BCL2L1: variants seen among roughly 807,000 people sequenced by gnomAD.
BCL2L1 encodes the protein BCL2 like 1.
A neutral mutation model predicts 18.7 loss-of-function variants in BCL2L1; 1 was observed. The ratio of observed to expected loss-of-function variants is 0.05; its 90% CI spans 0.02 to 0.25. The LOEUF is 0.25. Among genes scored for constraint, BCL2L1 ranks in the 10% least tolerant of loss-of-function variants. The probability of loss-of-function intolerance (pLI) is 1.00; values close to 1 mark genes in which losing one functional copy is unlikely to be tolerated. For synonymous variants in BCL2L1, 103 were observed against 122.7 expected, an observed-to-expected ratio of 0.84 and a Z score of 1.06; for missense variants, 207 against 304.9, an observed-to-expected ratio of 0.68 and a Z score of 2.39.
intron 2 of BCL2L1, among the ~76,000 whole-genome samples, chr20:31,679,213 G>A (rs982913471): frequency 2.0e-5 from 3 of 152,164 alleles, no homozygotes; most frequent in African/African-American, 7.2e-5. Context: ...TGATGTCGAG[G>A]GAGGGGGCAC....
rs1187793841 is a variant in BCL2L1 at position 31,664,878 on chromosome 20, C to G, written c.*1071G>C. ...GGCCAGGCCACTCTGGCCTTGGCAG[C>G]CTGGCTGCCCAGGCTGGACAGGCAT... On this transcript the variant is annotated 3_prime_UTR_variant, in exon 3 of 3. Coordinates refer to ENST00000307677, the MANE Select transcript of BCL2L1 (RefSeq NM_138578.3). The G allele has an allele frequency of 4.6e-6, 1 of 217,496 alleles. No homozygotes were observed. The highest frequency in any genetic ancestry group is 2.3e-5 in the African/African-American group (1 of 44,280). The allele number at this position is 217,496 out of a possible 1,614,324, so 13.5% of individuals were successfully genotyped here. A position where few individuals can be genotyped will look rare whatever the true frequency, so the allele number is the denominator to read the frequency against.
chr20:31,689,689 TC>T (rs11167281), intron 2 of BCL2L1, among the ~76,000 whole-genome samples: 54,356 of 152,000 alleles, frequency 0.36, 11,434 homozygotes, highest in African/African-American at 0.57. Flanking sequence ...CTAAATTGGC[TC>T]TGAAGAATAC....
At chr20:31,697,050 C>CAAA (rs1161266730) in intron 2 of BCL2L1, among the ~76,000 whole-genome samples, 11 of 76,824 alleles carry the variant, frequency 1.4e-4, no homozygotes, top group African/African-American at 3.7e-4. Flanking sequence ...GACTCTATCT[C>CAAA]AAAAAAAAAA....
chr20:31,713,507 G>A (rs1428176170), intron 2 of BCL2L1: 5 of 985,224 alleles, frequency 5.1e-6, no homozygotes, highest in East Asian at 1.1e-4. Context: ...CTGAAGAGCT[G>A]GAGAAAAACC....
intron 2 of BCL2L1, among the ~76,000 whole-genome samples, chr20:31,708,620 C>G (rs1278367931): frequency 1.3e-5 from 2 of 152,172 alleles, no homozygotes; most frequent in Non-Finnish European, 2.9e-5. Context: ...ACCCCTCCCC[C>G]CAGCTGAGCC....
intron 2 of BCL2L1, among the ~76,000 whole-genome samples, chr20:31,715,917 C>T (rs1392513093): frequency 1.3e-5 from 2 of 152,018 alleles, no homozygotes; most frequent in Non-Finnish European, 2.9e-5. Context: ...CTGCAACCTC[C>T]ACCTCCCAGG....
intron 2 of BCL2L1, among the ~76,000 whole-genome samples, chr20:31,701,182 T>G (rs1009784183): frequency 5.3e-5 from 8 of 152,000 alleles, no homozygotes; most frequent in Non-Finnish European, 1.0e-4. Context: ...GCCTCCTGAG[T>G]AGCTGGGATT....
In BCL2L1 at chr20:31,722,073, C is replaced by T. The variant is rs2061644325; in HGVS notation, c.146G>A (p.Ser49Asn). ...CCAGGATGGGTTGCCATTGATGGCA[C>T]TGGGGGTCTCCATCTCCGATTCAGT... ...EGTESEMETPSAINGNPSWHL... is the reference protein window; with the variant it reads ...EGTESEMETPNAINGNPSWHL... Residue 49 changes from serine (S) to asparagine (N), a missense_variant, in exon 2 of 3, where the codon AGT becomes AAT. Physicochemically the swap from Ser to Asn is conservative, Grantham distance 46. Transcript: ENST00000307677. 6.3e-7 allele frequency: 1 copy of T among 1,597,582 alleles called. No individual in the cohort carries two copies. The highest frequency in any genetic ancestry group is 1.3e-5 in the African/African-American group (1 of 74,878).
rs1485169545 is a variant in BCL2L1 at position 31,665,976 on chromosome 20, C to G, written c.675G>C (p.Leu225=). 6.2e-7 allele frequency: 1 copy of G among 1,613,760 alleles called. No homozygotes were observed. Among genetic ancestry groups the G allele is most frequent in the East Asian group, 2.2e-5 (1 of 44,884 alleles). ...ATTTCCGACTGAAGAGTGAGCCCAG[C>G]AGAACCACGCCGGCCACAGTCATGC... ...LTGMTVAGVV[L]LGSLFSRK Residue 225 remains leucine, a synonymous_variant, in exon 3 of 3, where the codon CTG becomes CTC. Coordinates refer to ENST00000307677, the MANE Select transcript of BCL2L1 (RefSeq NM_138578.3).
intron 2 of BCL2L1, among the ~76,000 whole-genome samples, chr20:31,715,043 G>C (rs2061507294): frequency 1.3e-5 from 2 of 152,174 alleles, no homozygotes; most frequent in African/African-American, 4.8e-5. Context: ...AGGAGGCTGA[G>C]GCGGGCGGAT....
intron 2 of BCL2L1, among the ~76,000 whole-genome samples, chr20:31,687,399 C>T (rs1353268696): frequency 6.6e-6 from 1 of 151,856 alleles, no homozygotes; most frequent in Non-Finnish European, 1.5e-5. Flanking sequence ...CGCCTGTAAT[C>T]CCAGCACTTT....
chr20:31,705,402 C>T (rs1264936796), intron 2 of BCL2L1, among the ~76,000 whole-genome samples: 1 of 152,076 alleles, frequency 6.6e-6, no homozygotes, highest in African/African-American at 2.4e-5. Flanking sequence ...GACTGAGGCT[C>T]AGAAATGGAA....
At chr20:31,673,566 T>C (rs2060709147) in intron 2 of BCL2L1, among the ~76,000 whole-genome samples, 1 of 151,774 alleles carries the variant, frequency 6.6e-6, no homozygotes, top group Admixed American at 6.6e-5. Flanking sequence ...GAGGAGGATC[T>C]TTGAGCCTGG....
rs891800210 is a variant in BCL2L1 at position 31,678,000 on chromosome 20, C to T, written c.565-11914G>A. On this transcript the variant is annotated intron_variant, in intron 2 of 2. Transcript: ENST00000307677. ...ACTGCCTGGCAAAACTAGAAAGAGG[C>T]CCCAATATAGCAGGTGATTATGCAA... Among the ~76,000 whole-genome samples, 9 of 152,276 alleles carry T rather than the reference C, an allele frequency of 5.9e-5. No homozygotes were observed. The South Asian group carries it at 1.0e-3, about 18-fold the overall frequency.
chr20:31,710,422 A>G (rs1671251302), intron 2 of BCL2L1, among the ~76,000 whole-genome samples: 1 of 152,184 alleles, frequency 6.6e-6, no homozygotes, highest in African/African-American at 2.4e-5. Flanking sequence ...CCATTTACAG[A>G]CCGGGAAACT....
At chr20:31,720,681 AT>A in intron 2 of BCL2L1, 3 of 982,246 alleles carry the variant, frequency 3.1e-6, no homozygotes, top group Non-Finnish European at 2.4e-6. Context: ...AGCTTGCCAC[AT>A]TTTTTAGTGA....
intron 2 of BCL2L1, among the ~76,000 whole-genome samples, chr20:31,669,079 A>G (rs534926645): frequency 2.0e-5 from 3 of 151,868 alleles, no homozygotes; most frequent in Non-Finnish European, 4.4e-5. Context: ...TTTTTGTGAC[A>G]GTGTCTCACT....
intron 2 of BCL2L1, among the ~76,000 whole-genome samples, chr20:31,704,596 T>C (rs2061342039): frequency 6.6e-6 from 1 of 152,170 alleles, no homozygotes; most frequent in South Asian, 2.1e-4. Flanking sequence ...AGGGAATCTG[T>C]GTCACCTTGT....
At chr20:31,710,865 T>C (rs994262841) in intron 2 of BCL2L1, among the ~76,000 whole-genome samples, 1 of 152,236 alleles carries the variant, frequency 6.6e-6, no homozygotes, top group Non-Finnish European at 1.5e-5. Context: ...TAACCCTTCA[T>C]GTTCATTGAG....
Sources: allele counts gnomAD v4.1 joint callset (sites outside exome capture counted in the v4.1 genomes callset), GRCh38; gene constraint gnomAD v4.1.1; transcripts MANE v1.5; gene names NCBI Gene and HGNC (gene_info 2026-07-23, HGNC 2026-07-21).